PTPRO: variants seen among roughly 807,000 people sequenced by gnomAD.
PTPRO encodes receptor-type tyrosine-protein phosphatase O.
PTPRO carries 62 observed loss-of-function variants against 145.2 expected under a neutral mutation model. The observed-to-expected ratio is 0.43, with a 90% CI of 0.35 to 0.53. PTPRO has a LOEUF of 0.53. Among genes scored for constraint, PTPRO ranks in the 20% least tolerant of loss-of-function variants. The probability of loss-of-function intolerance (pLI) is 0.01; values close to 1 mark genes in which losing one functional copy is unlikely to be tolerated. For synonymous variants in PTPRO, 565 were observed against 514.7 expected, an observed-to-expected ratio of 1.10 and a Z score of -1.32; for missense variants, 1,345 against 1,482.7, an observed-to-expected ratio of 0.91 and a Z score of 1.53.
intron 1 of PTPRO, among the ~76,000 whole-genome samples, chr12:15,359,864 A>G (rs1029513230): frequency 3.3e-5 from 5 of 152,108 alleles, no homozygotes; most frequent in African/African-American, 9.7e-5. Context: ...TTGTCTTTCT[A>G]TCTTTCTAAT....
At chr12:15,472,283 G>A (rs1228445532) in intron 1 of PTPRO, among the ~76,000 whole-genome samples, 3 of 152,074 alleles carry the variant, frequency 2.0e-5, no homozygotes, top group African/African-American at 7.2e-5. Context: ...CTGCCTATTG[G>A]CCTTACATCA....
intron 1 of PTPRO, among the ~76,000 whole-genome samples, chr12:15,438,492 G>GAT (rs751735325): frequency 6.6e-6 from 1 of 151,936 alleles, no homozygotes; most frequent in Non-Finnish European, 1.5e-5. Context: ...TGAACAAAAA[G>GAT]ATAAACATCT....
intron 2 of PTPRO, among the ~76,000 whole-genome samples, chr12:15,493,920 G>A (rs189432063): frequency 2.0e-5 from 3 of 152,152 alleles, no homozygotes; most frequent in East Asian, 3.9e-4. Flanking sequence ...GTTGCAAAAC[G>A]GACACTAAAA....
At chr12:15,365,506 A>G (rs1938333907) in intron 1 of PTPRO, among the ~76,000 whole-genome samples, 1 of 152,102 alleles carries the variant, frequency 6.6e-6, no homozygotes, top group Admixed American at 6.6e-5. Context: ...ACCAAGAAAC[A>G]TTAGAATCAT....
At chr12:15,353,312 A>T (rs886845058) in intron 1 of PTPRO, among the ~76,000 whole-genome samples, 13 of 152,202 alleles carry the variant, frequency 8.5e-5, no homozygotes, top group Middle Eastern at 3.2e-3. Flanking sequence ...TTGTTTTTCA[A>T]CATATCATCA....
intron 1 of PTPRO, among the ~76,000 whole-genome samples, chr12:15,478,794 C>T (rs1425368819): frequency 6.6e-6 from 1 of 152,070 alleles, no homozygotes; most frequent in African/African-American, 2.4e-5. Context: ...GCCTCAGCTT[C>T]CCGAGTAGCT....
intron 1 of PTPRO, among the ~76,000 whole-genome samples, chr12:15,334,145 T>C (rs1466724188): frequency 6.6e-6 from 1 of 152,214 alleles, no homozygotes; most frequent in African/African-American, 2.4e-5. Flanking sequence ...GAAGCTCTGA[T>C]GATAAATTAT....
At chr12:15,461,520 C>A (rs1381338463) in intron 1 of PTPRO, among the ~76,000 whole-genome samples, 2 of 151,736 alleles carry the variant, frequency 1.3e-5, no homozygotes, top group African/African-American at 2.4e-5. Flanking sequence ...TTCATCTCCT[C>A]CCCCACTGCT....
At chr12:15,531,972 G>A (rs989300816) in intron 12 of PTPRO, among the ~76,000 whole-genome samples, 38 of 152,038 alleles carry the variant, frequency 2.5e-4, no homozygotes, top group African/African-American at 8.7e-4. Flanking sequence ...TTTATTAGTA[G>A]CTTAAATACC....
chr12:15,370,632 T>C (rs2136257722), intron 1 of PTPRO, among the ~76,000 whole-genome samples: 1 of 152,292 alleles, frequency 6.6e-6, no homozygotes, highest in East Asian at 1.9e-4. Flanking sequence ...TTTTGTATTG[T>C]TGATATTCTT....
intron 1 of PTPRO, among the ~76,000 whole-genome samples, chr12:15,360,949 T>TA (rs1378193884): frequency 6.7e-6 from 1 of 148,332 alleles, no homozygotes; most frequent in East Asian, 2.0e-4. Flanking sequence ...TACACACGTG[T>TA]ATATACACAC....
intron 15 of PTPRO, among the ~76,000 whole-genome samples, chr12:15,554,598 C>T (rs140714531): frequency 1.1e-4 from 16 of 152,190 alleles, no homozygotes; most frequent in African/African-American, 2.9e-4. Flanking sequence ...GGGCAGGAAG[C>T]GTCCAGCACA....
chr12:15,594,526 C>T (rs1944617656), intron 25 of PTPRO, among the ~76,000 whole-genome samples: 1 of 151,416 alleles, frequency 6.6e-6, no homozygotes, highest in South Asian at 2.1e-4. Context: ...AATATATATA[C>T]ATACATATAT....
chr12:15,536,016 A>G (rs1165098774), intron 12 of PTPRO, among the ~76,000 whole-genome samples: 2 of 152,130 alleles, frequency 1.3e-5, no homozygotes, highest in Non-Finnish European at 2.9e-5. Flanking sequence ...GTCAGCTAGA[A>G]AGAAGCTAAT....
At chr12:15,479,280 C>T (rs534396174) in intron 1 of PTPRO, among the ~76,000 whole-genome samples, 49 of 152,276 alleles carry the variant, frequency 3.2e-4, no homozygotes, top group African/African-American at 1.2e-3. Context: ...TAGAGGGGCA[C>T]TCAAACCCCA....
chr12:15,450,585 G>A (rs1211736293), intron 1 of PTPRO, among the ~76,000 whole-genome samples: 4 of 152,064 alleles, frequency 2.6e-5, no homozygotes. Flanking sequence ...ACCTGCTAGG[G>A]CAACATGGTG....
intron 1 of PTPRO, among the ~76,000 whole-genome samples, chr12:15,466,207 C>T (rs1393712049): frequency 6.6e-6 from 1 of 151,850 alleles, no homozygotes; most frequent in Non-Finnish European, 1.5e-5. Context: ...TAACAAAATC[C>T]TGTTCCACTA....
At chr12:15,464,475 C>T (rs943427684) in intron 1 of PTPRO, among the ~76,000 whole-genome samples, 1 of 151,812 alleles carries the variant, frequency 6.6e-6, no homozygotes, top group Non-Finnish European at 1.5e-5. Context: ...CTGCCTCAGC[C>T]TCCTAAGTAG....
chr12:15,468,128 T>C (rs1212427614), intron 1 of PTPRO, among the ~76,000 whole-genome samples: 1 of 152,204 alleles, frequency 6.6e-6, no homozygotes, highest in African/African-American at 2.4e-5. Context: ...GGATGTCTGG[T>C]TTTTGTTTGC....
Sources: gnomAD v4.1 joint callset for allele counts (sites outside exome capture counted in the v4.1 genomes callset) on GRCh38, gnomAD v4.1.1 for gene constraint, MANE v1.5 for transcripts, NCBI Gene and HGNC (gene_info 2026-07-23, HGNC 2026-07-21) for gene names.